The following RUNDC3B variants were observed in gnomAD, a reference collection of about 807,000 sequenced individuals.
The protein encoded by RUNDC3B is RUN domain containing 3B.
Under a neutral mutation model 58.4 loss-of-function variants are expected in RUNDC3B, and 33 were observed. That is an observed-to-expected ratio of 0.56 (90% CI 0.43 to 0.75). The LOEUF is 0.75. RUNDC3B is among the 30% of genes least tolerant of loss of function. RUNDC3B has a pLI of 0.00. For missense variants in RUNDC3B, 501 were observed against 535.7 expected, an observed-to-expected ratio of 0.94 and a Z score of 0.64; for synonymous variants, 193 against 195.2, an observed-to-expected ratio of 0.99 and a Z score of 0.10.
chr7:87,662,655 G>A (rs2130460709), intron 2 of RUNDC3B, among the ~76,000 whole-genome samples: 1 of 152,134 alleles, frequency 6.6e-6, no homozygotes, highest in African/African-American at 2.4e-5. Flanking sequence ...GATTACAATA[G>A]CCCTGTAGTA....
chr7:87,757,675 G>T (rs1489422434), intron 6 of RUNDC3B, among the ~76,000 whole-genome samples: 1 of 152,036 alleles, frequency 6.6e-6, no homozygotes, highest in Non-Finnish European at 1.5e-5. Flanking sequence ...ACAAAATTAT[G>T]TGGAACCACA....
chr7:87,683,958 A>C (rs1827192308), intron 2 of RUNDC3B, among the ~76,000 whole-genome samples: 1 of 152,250 alleles, frequency 6.6e-6, no homozygotes, highest in South Asian at 2.1e-4. Context: ...AAATATTGAC[A>C]GATCAAACTG....
intron 7 of RUNDC3B, among the ~76,000 whole-genome samples, chr7:87,773,677 T>TTTTG (rs1388489600): frequency 6.9e-6 from 1 of 145,386 alleles, no homozygotes; most frequent in African/African-American, 2.5e-5. Flanking sequence ...TTTTGTTTTG[T>TTTTG]TTTGTTTTGT....
At chr7:87,742,920 G>A (rs1832422247) in intron 6 of RUNDC3B, among the ~76,000 whole-genome samples, 2 of 151,694 alleles carry the variant, frequency 1.3e-5, no homozygotes, top group African/African-American at 2.4e-5. Flanking sequence ...GAGACCATCC[G>A]GGCTAACACG....
chr7:87,789,834 T>C (rs1270233793), intron 8 of RUNDC3B, among the ~76,000 whole-genome samples: 2 of 152,204 alleles, frequency 1.3e-5, no homozygotes, highest in Non-Finnish European at 2.9e-5. Flanking sequence ...CTTTGTATTG[T>C]GGTTTGAGTG....
intron 2 of RUNDC3B, among the ~76,000 whole-genome samples, chr7:87,667,726 G>A (rs948246715): frequency 6.6e-6 from 1 of 152,046 alleles, no homozygotes; most frequent in Non-Finnish European, 1.5e-5. Context: ...GGCCTTTTCT[G>A]TGTCTATTGA....
intron 4 of RUNDC3B, among the ~76,000 whole-genome samples, chr7:87,725,575 G>A (rs1489939998): frequency 6.6e-6 from 1 of 152,198 alleles, no homozygotes; most frequent in African/African-American, 2.4e-5. Context: ...CTTTATAGCA[G>A]CATGATTTAT....
At chr7:87,727,805 C>G (rs1831328782) in intron 4 of RUNDC3B, among the ~76,000 whole-genome samples, 1 of 152,088 alleles carries the variant, frequency 6.6e-6, no homozygotes, top group South Asian at 2.1e-4. Flanking sequence ...CACATGAGCT[C>G]TTACAAGTCT....
At chr7:87,693,877 G>C (rs1235423658) in intron 2 of RUNDC3B, 5 of 1,596,702 alleles carry the variant, frequency 3.1e-6, no homozygotes, top group African/African-American at 2.7e-5. Flanking sequence ...TTAAATATCT[G>C]TGTGTTGTTG....
intron 9 of RUNDC3B, 127 bp downstream of exon 9, chr7:87,807,646 G>C: frequency 1.5e-6 from 1 of 688,752 alleles, no homozygotes; most frequent in Non-Finnish European, 2.5e-6. Context: ...ACAAGATTTC[G>C]GACTACTTTG....
At chr7:87,635,847 T>C (rs1482853539) in intron 1 of RUNDC3B, among the ~76,000 whole-genome samples, 1 of 152,204 alleles carries the variant, frequency 6.6e-6, no homozygotes, top group Admixed American at 6.5e-5. Context: ...AATAATACAG[T>C]ATAGACCTTT....
At chr7:87,689,180 T>G (rs528574052) in intron 2 of RUNDC3B, among the ~76,000 whole-genome samples, 1 of 152,124 alleles carries the variant, frequency 6.6e-6, no homozygotes, top group African/African-American at 2.4e-5. Flanking sequence ...ATCTGAGATT[T>G]TTTTGAATGT....
At chr7:87,791,776 A>G (rs1001947184) in intron 8 of RUNDC3B, among the ~76,000 whole-genome samples, 2 of 152,064 alleles carry the variant, frequency 1.3e-5, no homozygotes, top group African/African-American at 4.8e-5. Context: ...TCACTTTCAC[A>G]AAAAGGAATA....
chr7:87,753,205 G>A (rs1348047974), intron 6 of RUNDC3B, among the ~76,000 whole-genome samples: 3 of 150,752 alleles, frequency 2.0e-5, no homozygotes, highest in African/African-American at 7.3e-5. Context: ...TCTTAATCCT[G>A]AGTTCTAGTT....
chr7:87,763,453 G>A (rs1009668390), intron 6 of RUNDC3B, among the ~76,000 whole-genome samples: 1 of 151,402 alleles, frequency 6.6e-6, no homozygotes, highest in Non-Finnish European at 1.5e-5. Context: ...GGATTTGTTG[G>A]CACATCTCTA....
chr7:87,758,821 G>A (rs1018721127), intron 6 of RUNDC3B, among the ~76,000 whole-genome samples: 2 of 152,118 alleles, frequency 1.3e-5, no homozygotes, highest in Admixed American at 1.3e-4. Flanking sequence ...TCAAAAGACA[G>A]GCAATAATGA....
chr7:87,805,103 A>AC (rs2130930371), intron 8 of RUNDC3B, among the ~76,000 whole-genome samples: 1 of 152,270 alleles, frequency 6.6e-6, no homozygotes, highest in Admixed American at 6.5e-5. Flanking sequence ...AGACTGAGCT[A>AC]CCCCAGAGGG....
At chr7:87,793,452 C>T (rs1835637311) in intron 8 of RUNDC3B, among the ~76,000 whole-genome samples, 2 of 152,066 alleles carry the variant, frequency 1.3e-5, no homozygotes, top group South Asian at 4.1e-4. Flanking sequence ...CCAAATTCAA[C>T]AATACACTAA....
chr7:87,769,580 A>T (rs1341668692), intron 6 of RUNDC3B, among the ~76,000 whole-genome samples: 1 of 152,030 alleles, frequency 6.6e-6, no homozygotes, highest in Admixed American at 6.6e-5. Context: ...AATTGCTCAT[A>T]TTTAAAATTT....
Sources: gnomAD v4.1 joint callset for allele counts (sites outside exome capture counted in the v4.1 genomes callset) on GRCh38, gnomAD v4.1.1 for gene constraint, MANE v1.5 for transcripts, NCBI Gene and HGNC (gene_info 2026-07-23, HGNC 2026-07-21) for gene names.